RHCG: variants seen among roughly 807,000 people sequenced by gnomAD.
The protein encoded by RHCG is Rh family C glycoprotein.
Under a neutral mutation model 55.3 loss-of-function variants are expected in RHCG, and 39 were observed. The ratio of observed to expected loss-of-function variants is 0.70; its 90% CI spans 0.55 to 0.92. The LOEUF is 0.92. Ranked by LOEUF, RHCG falls within the 40% of genes least tolerant of loss-of-function variation. The pLI is 0.00. For synonymous variants in RHCG, 250 were observed against 246.8 expected, an observed-to-expected ratio of 1.01 and a Z score of -0.12; for missense variants, 635 against 627.9, an observed-to-expected ratio of 1.01 and a Z score of -0.12.
chr15:89,480,538 G>C, intron 3 of RHCG, 130 bp from the exon 4 acceptor site: 4 of 1,075,942 alleles, frequency 3.7e-6, no homozygotes, highest in Non-Finnish European at 5.4e-6. Flanking sequence ...GCAGGATGGA[G>C]CCTGGGGCCT....
intron 9 of RHCG, among the ~76,000 whole-genome samples, chr15:89,476,006 G>GCTCTCTCTCTCT (rs1209826016): frequency 2.6e-4 from 36 of 137,828 alleles, no homozygotes; most frequent in African/African-American, 1.2e-3. Context: ...TCTCTCTCTT[G>GCTCTCTCTCTCT]CTCTCGCTCT....
At chr15:89,496,258 G>A (rs1961563678) in intron 1 of RHCG, 103 bp downstream of exon 1, 3 of 1,191,836 alleles carry the variant, frequency 2.5e-6, no homozygotes, top group Non-Finnish European at 3.6e-6. Context: ...GTCCGCGGCT[G>A]CAGGGTAGAT....
intron 2 of RHCG, 108 bp downstream of exon 2, chr15:89,486,691 G>T: frequency 1.9e-6 from 2 of 1,058,700 alleles, no homozygotes; most frequent in Non-Finnish European, 1.3e-6. Context: ...TTGCCCTCCA[G>T]CCTCAAGCCC....
chr15:89,474,153 C>A (rs1269654964), intron 9 of RHCG, among the ~76,000 whole-genome samples: 1 of 152,050 alleles, frequency 6.6e-6, no homozygotes, highest in African/African-American at 2.4e-5. Flanking sequence ...TAAGAAAAAT[C>A]TATGCAGAGA....
In RHCG at chr15:89,486,888, C is replaced by G; in HGVS notation, c.282G>C (p.Leu94=). Residue 94 remains leucine (L), a synonymous_variant, in exon 2 of 11, where the codon CTG becomes CTC. Coordinates refer to ENST00000268122, the MANE Select transcript of RHCG (RefSeq NM_016321.3). ...YGFSAVGFNF[L]LAAFGIQWAL... ...CCCACTGGATGCCGAAGGCTGCCAA[C>G]AGGAAGTTGAAGCCCACGGCGCTGA... 1.2e-6 allele frequency: 2 copies of G among 1,613,020 alleles called. No individual in the cohort carries two copies. The highest frequency in any genetic ancestry group is 1.7e-6 in the Non-Finnish European group (2 of 1,179,132).
intron 2 of RHCG, 100 bp downstream of exon 2, chr15:89,486,699 C>T (rs1396771550): frequency 7.6e-7 from 1 of 1,321,056 alleles, no homozygotes; most frequent in Non-Finnish European, 1.1e-6. Flanking sequence ...CAGCCTCAAG[C>T]CCGGGTCCCG....
Position 89,477,275 on chromosome 15 carries a change from A to T in RHCG, c.1113-69T>A, listed in dbSNP as rs1961169379. 1 of 1,594,936 alleles carries T rather than the reference A, an allele frequency of 6.3e-7. No homozygotes were observed. The highest frequency in any genetic ancestry group is 2.2e-5 in the East Asian group (1 of 44,604). On this transcript the variant is annotated intron_variant, in intron 7 of 10. Coordinates refer to ENST00000268122, the MANE Select transcript of RHCG (RefSeq NM_016321.3). The surrounding 1 kb of genome is among the most constrained non-coding windows in gnomAD (Gnocchi z 4.5). Reference sequence around the variant, plus strand: ...CAAGTAACAGCTTGCTGCCACCCCAAAAATGTGACCGGGTACCACGGGCCT... The same window carrying T: ...CAAGTAACAGCTTGCTGCCACCCCATAAATGTGACCGGGTACCACGGGCCT...
rs1345578990 is a variant in RHCG at position 89,480,203 on chromosome 15, C to T, written c.670+58G>A. 13 of 1,607,274 alleles carry T rather than the reference C, an allele frequency of 8.1e-6. No homozygotes were observed. The Middle Eastern group carries it at 5.0e-4, about 61-fold the overall frequency. On this transcript the variant is annotated intron_variant, in intron 4 of 10. Transcript: ENST00000268122. ...CCTTCACCCATCATGGCTGCCTTCACCCATCATGGCCACCTTCACCCATCA... is the reference window on the plus strand; with the variant it reads ...CCTTCACCCATCATGGCTGCCTTCATCCATCATGGCCACCTTCACCCATCA...
At chr15:89,490,061 C>T (rs773055304) in intron 1 of RHCG, among the ~76,000 whole-genome samples, 3 of 152,200 alleles carry the variant, frequency 2.0e-5, no homozygotes, top group Non-Finnish European at 4.4e-5. Flanking sequence ...CCAGGTGTGC[C>T]AGCTGAGCAG....
Position 89,477,068 on chromosome 15 carries a change from C to T in RHCG, c.1237+14G>A. 1 of 1,614,034 alleles carries T rather than the reference C, an allele frequency of 6.2e-7. No individual in the cohort carries two copies. Among genetic ancestry groups the T allele is most frequent in the South Asian group, 1.1e-5 (1 of 91,060 alleles). On this transcript the variant is annotated intron_variant, in intron 8 of 10. Transcript: ENST00000268122. The surrounding 1 kb of genome is among the most constrained non-coding windows in gnomAD (Gnocchi z 4.5). ...GCAGCACCCCCCTTCTCTGGCTCAG[C>T]CATTCCTGCTCACCCACAATGATGC...
At position 89,477,931 on chromosome 15, in the gene RHCG, C is replaced by A. The variant is rs914578875; in HGVS notation, c.881G>T (p.Gly294Val). Residue 294 changes from glycine to valine, a missense_variant, in exon 6 of 11, where the codon GGT becomes GTT. By Grantham distance (109) the Gly-to-Val change is moderately radical. Transcript: ENST00000268122. This position sits in a 1 kb window ranked among gnomAD's most constrained non-coding sequence, Gnocchi z 4.5. The stretch of plus-strand genomic sequence containing the variant: ...CATGAGCATCATCTCAGCAGCGGTA[C>A]CCACGGCCACCCCTCCTGCGAGCGT... ...NATLAGGVAVGTAAEMMLMPY... is the reference protein window; with the variant it reads ...NATLAGGVAVVTAAEMMLMPY... 6.2e-7 allele frequency: 1 copy of A among 1,612,778 alleles called. No homozygotes were observed. The highest frequency in any genetic ancestry group is 1.7e-4 in the Middle Eastern group (1 of 6,056).
At chr15:89,488,737 C>G (rs1296055306) in intron 1 of RHCG, among the ~76,000 whole-genome samples, 1 of 145,490 alleles carries the variant, frequency 6.9e-6, no homozygotes, top group Non-Finnish European at 1.5e-5. Context: ...ATACCTTACT[C>G]TAGACTGGAT....
chr15:89,496,562 C>T lies in RHCG; in HGVS notation c.-18G>A, dbSNP rs1475695329. On this transcript the variant is annotated 5_prime_UTR_variant, in exon 1 of 11. Transcript: ENST00000268122. ...CAGGCCATGCTGCAGGGGTGCCTGG[C>T]CGGGCTGGCAGCGGGCGGTTCGGAC... The T allele has an allele frequency of 5.0e-6, 8 of 1,602,158 alleles. No individual in the cohort carries two copies. The highest frequency in any genetic ancestry group is 5.1e-6 in the Non-Finnish European group (6 of 1,174,848).
chr15:89,474,016 G>T (rs1373467312), intron 9 of RHCG, among the ~76,000 whole-genome samples: 1 of 152,164 alleles, frequency 6.6e-6, no homozygotes, highest in East Asian at 1.9e-4. Context: ...ATATAGAATA[G>T]AAATAATTAT....
chr15:89,494,439 T>C (rs1961529722), intron 1 of RHCG, among the ~76,000 whole-genome samples: 1 of 152,130 alleles, frequency 6.6e-6, no homozygotes, highest in South Asian at 2.1e-4. Context: ...AGGTGTCCTC[T>C]GATGATGATA....
chr15:89,488,448 G>A (rs1450713553), intron 1 of RHCG, among the ~76,000 whole-genome samples: 1 of 152,150 alleles, frequency 6.6e-6, no homozygotes, highest in African/African-American at 2.4e-5. Flanking sequence ...TGCAGGGGAA[G>A]AAAATAACAG....
rs1416656472 is a variant in RHCG at position 89,486,597 on chromosome 15, A to AGAGTGT, written c.371+196_371+201dup. 5.6e-3 allele frequency: 1,829 copies of AGAGTGT among 326,822 alleles called. 19 individuals are homozygous for AGAGTGT. The highest frequency in any genetic ancestry group is 0.021 in the Middle Eastern group (30 of 1,446). 20.2% of individuals were successfully genotyped at this position (326,822 alleles called of 1,614,324 possible). On this transcript the variant is annotated intron_variant, in intron 2 of 10. Transcript: ENST00000268122. ...GAGAGAGAGAGAGAGAGAGAGAGAG[A>AGAGTGT]GAGTGTGTGTGTGTGTGTGTGTGTG...
intron 9 of RHCG, among the ~76,000 whole-genome samples, chr15:89,473,409 C>T (rs1961076627): frequency 6.6e-6 from 1 of 152,142 alleles, no homozygotes; most frequent in African/African-American, 2.4e-5. Flanking sequence ...AACACTGGTC[C>T]AATCCCCATC....
rs745562643 is a variant in RHCG, at chr15:89,477,950, C to T, written c.862G>A (p.Ala288Thr). ...DMVHIQNATL[A>T]GGVAVGTAAE... Reference sequence around the variant, plus strand: ...GCGGTACCCACGGCCACCCCTCCTGCGAGCGTGGCATTCTGGATGTGCACC... The same window carrying T: ...GCGGTACCCACGGCCACCCCTCCTGTGAGCGTGGCATTCTGGATGTGCACC... The change falls in exon 6 of 11, where the codon GCA (alanine) becomes ACA (threonine). Residue 288 changes from alanine to threonine, a missense_variant. Transcript: ENST00000268122. This position sits in a 1 kb window ranked among gnomAD's most constrained non-coding sequence, Gnocchi z 4.5. 1.7e-5 allele frequency: 28 copies of T among 1,609,722 alleles called. No individual in the cohort carries two copies. The highest frequency in any genetic ancestry group is 4.4e-5 in the South Asian group (4 of 90,710).
Sources: allele counts gnomAD v4.1 joint callset (sites outside exome capture counted in the v4.1 genomes callset), GRCh38; gene constraint gnomAD v4.1.1; non-coding constraint Gnocchi (gnomAD v3.1); transcripts MANE v1.5; gene names NCBI Gene and HGNC (gene_info 2026-07-23, HGNC 2026-07-21).